CDK8: variants seen among roughly 807,000 people sequenced by gnomAD.
CDK8 encodes the protein cyclin-dependent kinase 8.
A neutral mutation model predicts 71.5 loss-of-function variants in CDK8; 29 were observed. The ratio of observed to expected loss-of-function variants is 0.41; its 90% CI spans 0.30 to 0.55. The LOEUF (loss-of-function observed/expected upper bound fraction) is 0.55. Among genes scored for constraint, CDK8 ranks in the 20% least tolerant of loss-of-function variants. CDK8 has a pLI of 0.37. For missense variants in CDK8, 288 were observed against 572.6 expected, an observed-to-expected ratio of 0.50 and a Z score of 5.07; for synonymous variants, 161 against 192.1, an observed-to-expected ratio of 0.84 and a Z score of 1.34.
intron 1 of CDK8, among the ~76,000 whole-genome samples, chr13:26,318,863 A>G (rs1419910986): frequency 7.2e-5 from 11 of 152,224 alleles, no homozygotes; most frequent in Admixed American, 3.3e-4. Context: ...ATTATAGTCA[A>G]TGGTGAAAGA....
At chr13:26,267,092 G>A (rs530631917) in intron 1 of CDK8, among the ~76,000 whole-genome samples, 43 of 152,084 alleles carry the variant, frequency 2.8e-4, no homozygotes, top group African/African-American at 8.7e-4. Flanking sequence ...GTTGGTAAAC[G>A]TAGCTCTAAA....
In CDK8 at chr13:26,393,391, T is replaced by C; in HGVS notation, c.671T>C (p.Phe224Ser). The change falls in exon 7 of 13, where the codon TTT becomes TCT. Residue 224 changes from phenylalanine to serine, a missense_variant. Physicochemically the swap from Phe to Ser is radical, Grantham distance 155. This residue lies in a region of CDK8 where 96 missense variants were observed against 229.8 expected (regional missense o/e 0.42). Coordinates refer to ENST00000381527, the MANE Select transcript of CDK8 (RefSeq NM_001260.3). ...GATATTTGGGCTATAGGGTGTATATTTGCAGAACTACTAACGTCAGAACCA... is the reference window on the plus strand; with the variant it reads ...GATATTTGGGCTATAGGGTGTATATCTGCAGAACTACTAACGTCAGAACCA... Reference protein sequence around the residue: ...AIDIWAIGCIFAELLTSEPIF... With the variant: ...AIDIWAIGCISAELLTSEPIF... 1 of 1,610,280 alleles carries C rather than the reference T, an allele frequency of 6.2e-7. No individual in the cohort carries two copies. The highest frequency in any genetic ancestry group is 8.5e-7 in the Non-Finnish European group (1 of 1,177,342).
chr13:26,273,331 C>G (rs1315758945), intron 1 of CDK8, among the ~76,000 whole-genome samples: 2 of 151,890 alleles, frequency 1.3e-5, no homozygotes, highest in African/African-American at 4.8e-5. Context: ...TCTTTTTTGC[C>G]AAGATTGTTT....
chr13:26,341,276 G>A (rs1219644913), intron 2 of CDK8, among the ~76,000 whole-genome samples: 7 of 152,212 alleles, frequency 4.6e-5, no homozygotes, highest in East Asian at 1.9e-4. Context: ...ACAGGTGCGC[G>A]CCACCACACC....
chr13:26,254,908 G>A lies in CDK8; in HGVS notation c.128+139G>A. On this transcript the variant is annotated intron_variant, in intron 1 of 12. Transcript: ENST00000381527. The surrounding 1 kb of genome is among the most constrained non-coding windows in gnomAD (Gnocchi z 6.7). ...GCCGGCCTCTGGCTCCGCCAGCCAG[G>A]TTTGGGGAGGAAGTGGTGTACGAGG... 1.6e-6 allele frequency: 2 copies of A among 1,253,014 alleles called. No individual in the cohort carries two copies. The highest frequency in any genetic ancestry group is 2.2e-6 in the Non-Finnish European group (2 of 909,766). 77.6% of individuals were successfully genotyped at this position (1,253,014 alleles called of 1,614,324 possible).
intron 4 of CDK8, among the ~76,000 whole-genome samples, chr13:26,374,567 A>C (rs1874856705): frequency 6.6e-6 from 1 of 152,194 alleles, no homozygotes; most frequent in African/African-American, 2.4e-5. Flanking sequence ...GCAAGAGAAA[A>C]GCAATATATT....
intron 1 of CDK8, among the ~76,000 whole-genome samples, chr13:26,331,566 G>T (rs1249220335): frequency 6.6e-6 from 1 of 152,012 alleles, no homozygotes; most frequent in Non-Finnish European, 1.5e-5. Flanking sequence ...TATTAAAGAG[G>T]GTGTCCTTTT....
chr13:26,356,073 A>G lies in CDK8; in HGVS notation c.456+2193A>G, dbSNP rs144473110. On this transcript the variant is annotated intron_variant, in intron 4 of 12. Coordinates refer to ENST00000381527, the MANE Select transcript of CDK8 (RefSeq NM_001260.3). ...ATCTTAAGTAGATTCTCTTTGACAT[A>G]GGGGTAGTATAGAACAGATCATTTC... Among the ~76,000 whole-genome samples, 667 of 152,220 alleles carry G rather than the reference A, an allele frequency of 4.4e-3. 5 individuals are homozygous for G. Among genetic ancestry groups the G allele is most frequent in the South Asian group, 0.014 (69 of 4,820 alleles).
intron 5 of CDK8, 56 bp from the exon 6 acceptor site, chr13:26,385,155 G>A (rs2138049684): frequency 7.1e-7 from 1 of 1,406,078 alleles, no homozygotes; most frequent in South Asian, 1.3e-5. Context: ...TAGACTAATT[G>A]GTTAGATTTG....
At chr13:26,393,580 A>G (rs1202663098) in intron 7 of CDK8, 70 bp downstream of exon 7, 1 of 1,500,176 alleles carries the variant, frequency 6.7e-7, no homozygotes. Flanking sequence ...TTCGTTGGAG[A>G]GGTATATATT....
rs532370573 is a variant in CDK8, at chr13:26,276,108, G to C, written c.128+21339G>C. ...GATCTCTTGACCTCGTGATCTGCCTGCCTCGGCCTCCCAAAGTGCTGGGAT... is the reference window on the plus strand; with the variant it reads ...GATCTCTTGACCTCGTGATCTGCCTCCCTCGGCCTCCCAAAGTGCTGGGAT... On this transcript the variant is annotated intron_variant, in intron 1 of 12. Transcript: ENST00000381527. Among the ~76,000 whole-genome samples, 9 of 152,290 alleles carry C rather than the reference G, an allele frequency of 5.9e-5. No homozygotes were observed. In the East Asian group the frequency reaches 1.3e-3, roughly 23 times the overall value.
At chr13:26,374,392 TTAAATGTATA>T (rs1233939009) in intron 4 of CDK8, among the ~76,000 whole-genome samples, 1 of 152,148 alleles carries the variant, frequency 6.6e-6, no homozygotes, top group Non-Finnish European at 1.5e-5. Context: ...TCACAGTATA[TTAAATGTATA>T]TAAGAAAATT....
At position 26,312,362 on chromosome 13, in the gene CDK8, T is replaced by A. The variant is rs28599901; in HGVS notation, c.129-25205T>A. The stretch of plus-strand genomic sequence containing the variant: ...TTCTTTTGTTCTTCACGATAAATCT[T>A]GCTGCTGCTCACTCTTTGGGTCTGT... On this transcript the variant is annotated intron_variant, in intron 1 of 12. Transcript: ENST00000381527. Among the ~76,000 whole-genome samples, 1,028 of 152,292 alleles carry A rather than the reference T, an allele frequency of 6.8e-3. 9 individuals carry two copies. The highest frequency in any genetic ancestry group is 0.024 in the Middle Eastern group (7 of 294).
chr13:26,256,286 A>G (rs1871523028), intron 1 of CDK8, among the ~76,000 whole-genome samples: 2 of 152,192 alleles, frequency 1.3e-5, no homozygotes, highest in African/African-American at 4.8e-5. Context: ...TTACTCTGTA[A>G]TGACATATAT....
rs190855788 is a variant in CDK8, at chr13:26,284,244, A to G, written c.128+29475A>G. 1.1e-3 allele frequency among the ~76,000 whole-genome samples: 166 copies of G among 152,366 alleles called. 1 individual carries two copies. The highest frequency in any genetic ancestry group is 3.4e-3 in the Middle Eastern group (1 of 294). ...CAAGGAACTAAAGAAACGAAGAACA[A>G]ACCAAACCCAAACCCAAACGCAGCA... On this transcript the variant is annotated intron_variant, in intron 1 of 12. Transcript: ENST00000381527.
At chr13:26,288,320 T>C (rs1167925435) in intron 1 of CDK8, among the ~76,000 whole-genome samples, 1 of 152,204 alleles carries the variant, frequency 6.6e-6, no homozygotes, top group Non-Finnish European at 1.5e-5. Flanking sequence ...TTTAGGAAAT[T>C]GTTACCTACT....
rs114509983 is a variant in CDK8, at chr13:26,340,064, C to T, written c.204+2422C>T. ...TGTGTTTTTCATAGGTGCTATTAATCAAGTTTAGGAAGTTATATTCCTAGA... is the reference window on the plus strand; with the variant it reads ...TGTGTTTTTCATAGGTGCTATTAATTAAGTTTAGGAAGTTATATTCCTAGA... On this transcript the variant is annotated intron_variant, in intron 2 of 12. Coordinates refer to ENST00000381527, the MANE Select transcript of CDK8 (RefSeq NM_001260.3). Among the ~76,000 whole-genome samples, 970 of 151,988 alleles carry T rather than the reference C, an allele frequency of 6.4e-3. 9 individuals carry two copies. Among genetic ancestry groups the T allele is most frequent in the African/African-American group, 0.021 (867 of 41,510 alleles).
chr13:26,367,792 C>T (rs1017836788), intron 4 of CDK8, among the ~76,000 whole-genome samples: 4 of 152,150 alleles, frequency 2.6e-5, no homozygotes, highest in African/African-American at 9.7e-5. Flanking sequence ...CAAAACATCT[C>T]AGATCCAGCT....
At chr13:26,371,639 G>A (rs1040620226) in intron 4 of CDK8, among the ~76,000 whole-genome samples, 3 of 151,774 alleles carry the variant, frequency 2.0e-5, no homozygotes, top group Non-Finnish European at 2.9e-5. Context: ...TTTTGGAGAC[G>A]GAGTCTCCCC....
Sources: gnomAD v4.1 joint callset for allele counts (sites outside exome capture counted in the v4.1 genomes callset) on GRCh38, gnomAD v4.1.1 for gene constraint, gnomAD v4.1.1 regional missense constraint, Gnocchi (gnomAD v3.1) non-coding constraint, MANE v1.5 for transcripts, NCBI Gene and HGNC (gene_info 2026-07-23, HGNC 2026-07-21) for gene names.